SERGEF: variants seen among roughly 807,000 people sequenced by gnomAD.
SERGEF encodes secretion regulating guanine nucleotide exchange factor.
Under a neutral mutation model 50.0 loss-of-function variants are expected in SERGEF, and 51 were observed. The observed-to-expected ratio is 1.02, with a 90% CI of 0.81 to 1.29. The LOEUF is 1.29. SERGEF is among the 50% of genes most tolerant of loss of function. The pLI is 0.00. For synonymous variants in SERGEF, 205 were observed against 212.4 expected, an observed-to-expected ratio of 0.97 and a Z score of 0.30; for missense variants, 521 against 557.0, an observed-to-expected ratio of 0.94 and a Z score of 0.65.
intron 9 of SERGEF, among the ~76,000 whole-genome samples, chr11:17,890,237 C>T (rs1010886994): frequency 5.9e-5 from 9 of 151,916 alleles, no homozygotes; most frequent in African/African-American, 2.2e-4. Flanking sequence ...TGCAATGGGT[C>T]GGTTTCATAC....
At chr11:17,850,521 G>A (rs1465037113) in intron 10 of SERGEF, among the ~76,000 whole-genome samples, 1 of 152,142 alleles carries the variant, frequency 6.6e-6, no homozygotes, top group African/African-American at 2.4e-5. Flanking sequence ...GGTGATAAAT[G>A]GACATCCTGC....
intron 10 of SERGEF, among the ~76,000 whole-genome samples, chr11:17,836,029 A>G (rs1850391923): frequency 6.6e-6 from 1 of 152,222 alleles, no homozygotes; most frequent in Non-Finnish European, 1.5e-5. Context: ...ATTAGAACCC[A>G]GGTTGGATGG....
chr11:17,987,388 A>G, intron 8 of SERGEF, among the ~76,000 whole-genome samples: 1 of 152,206 alleles, frequency 6.6e-6, no homozygotes, highest in Non-Finnish European at 1.5e-5. Flanking sequence ...CAAAAGAGAG[A>G]TATCAACAAT....
chr11:17,825,226 TTTTATTGA>T (rs1449813955), intron 10 of SERGEF, among the ~76,000 whole-genome samples: 2 of 152,224 alleles, frequency 1.3e-5, no homozygotes, highest in African/African-American at 4.8e-5. Flanking sequence ...GGCTTATAGT[TTTTATTGA>T]TTTACTTACT....
At chr11:17,886,567 G>A (rs1851433570) in intron 9 of SERGEF, among the ~76,000 whole-genome samples, 1 of 152,058 alleles carries the variant, frequency 6.6e-6, no homozygotes, top group South Asian at 2.1e-4. Flanking sequence ...AGTGAACCGA[G>A]ATCATACCAC....
chr11:17,965,496 A>G (rs187960149), intron 8 of SERGEF, among the ~76,000 whole-genome samples: 77 of 151,872 alleles, frequency 5.1e-4, no homozygotes, highest in Non-Finnish European at 9.6e-4. Flanking sequence ...CTCATCTTCA[A>G]CTCTGCCCAC....
At chr11:17,881,164 C>T (rs533688005) in intron 9 of SERGEF, among the ~76,000 whole-genome samples, 1 of 152,302 alleles carries the variant, frequency 6.6e-6, no homozygotes, top group Admixed American at 6.5e-5. Context: ...TTTACTGCTA[C>T]ATCATGTTAC....
chr11:17,967,625 G>T (rs1853152181), intron 8 of SERGEF, among the ~76,000 whole-genome samples: 2 of 152,202 alleles, frequency 1.3e-5, no homozygotes, highest in Non-Finnish European at 2.9e-5. Flanking sequence ...TGTGGTTAGG[G>T]TTTTCCAGAG....
intron 5 of SERGEF, among the ~76,000 whole-genome samples, chr11:17,998,907 G>GA (rs1270065234): frequency 2.0e-5 from 3 of 151,780 alleles, no homozygotes; most frequent in African/African-American, 7.3e-5. Context: ...AGAATGGTGA[G>GA]AAAATAAATG....
chr11:17,899,739 G>T (rs904047899), intron 9 of SERGEF, among the ~76,000 whole-genome samples: 1 of 151,994 alleles, frequency 6.6e-6, no homozygotes, highest in Non-Finnish European at 1.5e-5. Context: ...GATCACTTGA[G>T]GCCAGCGGTT....
chr11:17,807,333 C>G (rs997985528), intron 10 of SERGEF, among the ~76,000 whole-genome samples: 2 of 64,080 alleles, frequency 3.1e-5, no homozygotes, highest in Non-Finnish European at 9.0e-5. Context: ...AGAACTCCCC[C>G]CCCACAAAAA....
chr11:17,860,334 TA>T (rs1565187963), intron 10 of SERGEF, among the ~76,000 whole-genome samples: 3 of 152,126 alleles, frequency 2.0e-5, no homozygotes, highest in Non-Finnish European at 4.4e-5. Context: ...GTGAGAACAG[TA>T]TTTACACTAC....
intron 9 of SERGEF, among the ~76,000 whole-genome samples, chr11:17,880,820 G>A (rs1392760350): frequency 1.3e-5 from 2 of 152,148 alleles, no homozygotes; most frequent in Non-Finnish European, 2.9e-5. Flanking sequence ...CTGCATCATG[G>A]TGGTAAGATT....
At chr11:17,837,202 T>A (rs569669775) in intron 10 of SERGEF, among the ~76,000 whole-genome samples, 2 of 152,306 alleles carry the variant, frequency 1.3e-5, no homozygotes, top group East Asian at 3.9e-4. Flanking sequence ...AAACTAGCTA[T>A]TAATTTGATC....
rs567858869 is a variant in SERGEF at position 17,926,809 on chromosome 11, G to A, written c.1011+32661C>T. ...GGGCCTCCTGAGACCAGAGCTCTAG[G>A]AATTCATCTCCACATCTCCCACTGT... On this transcript the variant is annotated intron_variant, in intron 9 of 10. Coordinates refer to ENST00000265965, the MANE Select transcript of SERGEF (RefSeq NM_012139.4). 283 of 456,200 alleles carry A rather than the reference G, an allele frequency of 6.2e-4. 4 individuals carry two copies. Among genetic ancestry groups the A allele is most frequent in the Middle Eastern group, 4.2e-3 (13 of 3,076 alleles). The allele number at this position is 456,200 out of a possible 1,614,324, so 28.3% of individuals were successfully genotyped here.
intron 9 of SERGEF, among the ~76,000 whole-genome samples, chr11:17,893,219 C>T (rs1036889465): frequency 6.6e-6 from 1 of 152,194 alleles, no homozygotes; most frequent in East Asian, 1.9e-4. Context: ...TTTATTATGA[C>T]TTTTTTAAAT....
At chr11:17,999,438 T>C (rs1050634297) in intron 5 of SERGEF, 16 of 296,310 alleles carry the variant, frequency 5.4e-5, no homozygotes, top group Admixed American at 1.5e-4. Flanking sequence ...TTTTGAAGTA[T>C]AATCAATGCT....
At chr11:17,803,130 T>C (rs572674239) in intron 10 of SERGEF, among the ~76,000 whole-genome samples, 2 of 152,244 alleles carry the variant, frequency 1.3e-5, no homozygotes, top group Non-Finnish European at 2.9e-5. Context: ...AACTGCTATA[T>C]TGTGTGTGCA....
chr11:17,791,550 C>G (rs1213675100), intron 10 of SERGEF, among the ~76,000 whole-genome samples: 1 of 152,164 alleles, frequency 6.6e-6, no homozygotes, highest in African/African-American at 2.4e-5. Context: ...CAATGTTTAT[C>G]AGATATTTAT....
Sources: gnomAD v4.1 joint callset for allele counts (sites outside exome capture counted in the v4.1 genomes callset) on GRCh38, gnomAD v4.1.1 for gene constraint, MANE v1.5 for transcripts, NCBI Gene and HGNC (gene_info 2026-07-23, HGNC 2026-07-21) for gene names.